Variants in TAOK1 observed in about 807,000 individuals in gnomAD.
TAOK1 encodes TAO kinase 1.
TAOK1 carries 21 observed loss-of-function variants against 138.3 expected under a neutral mutation model. The observed-to-expected ratio is 0.15, with a 90% CI of 0.11 to 0.22. The LOEUF is 0.22. Ranked by LOEUF, TAOK1 falls within the 10% of genes least tolerant of loss-of-function variation. TAOK1 has a pLI of 1.00. For synonymous variants in TAOK1, 361 were observed against 398.4 expected, an observed-to-expected ratio of 0.91 and a Z score of 1.12; for missense variants, 651 against 1,227.7, an observed-to-expected ratio of 0.53 and a Z score of 7.02.
At chr17:29,437,434 G>A (rs1249682525) in intron 1 of TAOK1, among the ~76,000 whole-genome samples, 1 of 152,048 alleles carries the variant, frequency 6.6e-6, no homozygotes, top group Non-Finnish European at 1.5e-5. Context: ...CTGACCTCAA[G>A]TGATCTGCCT....
At chr17:29,393,447 G>A (rs958093327) in intron 1 of TAOK1, among the ~76,000 whole-genome samples, 2 of 152,112 alleles carry the variant, frequency 1.3e-5, no homozygotes, top group Non-Finnish European at 2.9e-5. Flanking sequence ...GTATGTTCAT[G>A]ATCAATTAGA....
At chr17:29,448,123 A>C (rs1202746531) in intron 1 of TAOK1, among the ~76,000 whole-genome samples, 1 of 151,172 alleles carries the variant, frequency 6.6e-6, no homozygotes, top group African/African-American at 2.4e-5. Context: ...TGTAGATCAT[A>C]GATAAGTTTC....
At chr17:29,474,052 T>G (rs508369) in intron 3 of TAOK1, among the ~76,000 whole-genome samples, 21,228 of 152,108 alleles carry the variant, frequency 0.14, 1,590 homozygotes, top group South Asian at 0.24. Context: ...CATTTTTATT[T>G]TACGGAGATA....
In TAOK1 at chr17:29,448,802, T is replaced by C. The variant is rs192543319; in HGVS notation, c.-94-2653T>C. Among the ~76,000 whole-genome samples, 1,493 of 152,292 alleles carry C rather than the reference T, an allele frequency of 9.8e-3. 13 individuals carry two copies. The highest frequency in any genetic ancestry group is 0.014 in the Non-Finnish European group (984 of 68,022). ...GTTTTATTCAGCAATATTTATATAA[T>C]AACTGTAGATGGTAAGGGGTAGAAG... On this transcript the variant is annotated intron_variant, in intron 1 of 19. Transcript: ENST00000261716.
chr17:29,542,648 T>G lies in TAOK1; in HGVS notation c.2632T>G (p.Phe878Val). 6.2e-7 allele frequency: 1 copy of G among 1,614,224 alleles called. No individual in the cohort carries two copies. Among genetic ancestry groups the G allele is most frequent in the Non-Finnish European group, 8.5e-7 (1 of 1,180,050 alleles). ...LERQAREIEA[F>V]DSESMRLGFS... The stretch of plus-strand genomic sequence containing the variant: ...ACGTCAAGCCAGAGAGATTGAAGCT[T>G]TTGACTCTGAAAGCATGAGACTAGG... The change falls in exon 20 of 20, where the codon TTT (phenylalanine) becomes GTT (valine). Residue 878 changes from phenylalanine (F) to valine (V), a missense_variant. Transcript: ENST00000261716.
At chr17:29,431,951 C>T (rs924032662) in intron 1 of TAOK1, among the ~76,000 whole-genome samples, 26 of 152,062 alleles carry the variant, frequency 1.7e-4, no homozygotes, top group Admixed American at 3.3e-4. Flanking sequence ...GGACTACAGG[C>T]GTGAGCCACC....
chr17:29,401,178 G>A (rs1476142063), intron 1 of TAOK1, among the ~76,000 whole-genome samples: 1 of 152,126 alleles, frequency 6.6e-6, no homozygotes, highest in Non-Finnish European at 1.5e-5. Flanking sequence ...GCCTCCCAAA[G>A]TGCTGGTATT....
intron 15 of TAOK1, chr17:29,513,056 C>CG (rs2031751535): frequency 2.1e-5 from 1 of 46,670 alleles, no homozygotes; most frequent in African/African-American, 9.2e-5. Context: ...TTAATTTACC[C>CG]ACCCCCCCCC....
chr17:29,495,138 A>G (rs999317148), intron 10 of TAOK1, among the ~76,000 whole-genome samples: 11 of 152,216 alleles, frequency 7.2e-5, no homozygotes, highest in Admixed American at 5.2e-4. Context: ...AAGGAACCCA[A>G]TATCTAGTGT....
intron 1 of TAOK1, among the ~76,000 whole-genome samples, chr17:29,444,401 A>T (rs1272801849): frequency 1.3e-5 from 2 of 152,220 alleles, no homozygotes; most frequent in Admixed American, 1.3e-4. Context: ...TGCTTTCAGG[A>T]ACTTTAGTAT....
intron 8 of TAOK1, among the ~76,000 whole-genome samples, chr17:29,484,088 C>T (rs2031119422): frequency 6.6e-6 from 1 of 152,152 alleles, no homozygotes; most frequent in Non-Finnish European, 1.5e-5. Context: ...GTGCTTAGAA[C>T]AAAATCTACC....
intron 1 of TAOK1, among the ~76,000 whole-genome samples, chr17:29,418,462 CT>C (rs1218719484): frequency 6.6e-6 from 1 of 152,164 alleles, no homozygotes; most frequent in Non-Finnish European, 1.5e-5. Context: ...ACCTTGGCCT[CT>C]CAAAGTGCTG....
chr17:29,398,212 T>C (rs1299113310), intron 1 of TAOK1, among the ~76,000 whole-genome samples: 4 of 151,744 alleles, frequency 2.6e-5, no homozygotes, highest in African/African-American at 9.7e-5. Context: ...CACCTTTTCT[T>C]TTCTTTTTTT....
In TAOK1 at chr17:29,511,011, T is replaced by C. The variant is rs1457870443; in HGVS notation, c.1704+19T>C. 6.4e-7 allele frequency: 1 copy of C among 1,569,524 alleles called. No homozygotes were observed. The highest frequency in any genetic ancestry group is 2.3e-5 in the East Asian group (1 of 43,884). ...TAAAGAGGTACTTATGTCATAAAAC[T>C]TTCCAAGCAAATTTTCTGCTTATTA... is the stretch of plus-strand genomic sequence containing the variant. On this transcript the variant is annotated intron_variant, in intron 15 of 19. Coordinates refer to ENST00000261716, the MANE Select transcript of TAOK1 (RefSeq NM_020791.4).
chr17:29,416,374 G>T (rs1905264891), intron 1 of TAOK1, among the ~76,000 whole-genome samples: 1 of 151,676 alleles, frequency 6.6e-6, no homozygotes, highest in African/African-American at 2.4e-5. Context: ...TCATTTCAAC[G>T]CATAGAGAGA....
At chr17:29,502,936 G>A (rs1207654466) in intron 13 of TAOK1, among the ~76,000 whole-genome samples, 3 of 152,098 alleles carry the variant, frequency 2.0e-5, no homozygotes, top group Non-Finnish European at 4.4e-5. Context: ...CACAAAAAAC[G>A]AGTATGTTAG....
At chr17:29,496,134 CTT>C (rs1450989295) in intron 11 of TAOK1, among the ~76,000 whole-genome samples, 1 of 151,924 alleles carries the variant, frequency 6.6e-6, no homozygotes, top group Non-Finnish European at 1.5e-5. Flanking sequence ...GAGTTTTGCT[CTT>C]GTTGCCCAGG....
intron 11 of TAOK1, among the ~76,000 whole-genome samples, chr17:29,496,308 G>A (rs1224289157): frequency 6.6e-6 from 1 of 151,908 alleles, no homozygotes; most frequent in Admixed American, 6.6e-5. Context: ...AGTAGAGACG[G>A]GGTTTCACCG....
intron 2 of TAOK1, among the ~76,000 whole-genome samples, chr17:29,453,453 G>A (rs1264217844): frequency 6.6e-6 from 1 of 152,172 alleles, no homozygotes; most frequent in Non-Finnish European, 1.5e-5. Flanking sequence ...GTTTTGCCAT[G>A]TTGGCCAGGC....
Sources: allele counts gnomAD v4.1 joint callset (sites outside exome capture counted in the v4.1 genomes callset), GRCh38; gene constraint gnomAD v4.1.1; transcripts MANE v1.5; gene names NCBI Gene and HGNC (gene_info 2026-07-23, HGNC 2026-07-21).